The following FAM171B variants were observed in gnomAD, a reference collection of about 807,000 sequenced individuals.
The protein encoded by FAM171B is protein FAM171B.
FAM171B carries 19 observed loss-of-function variants against 75.6 expected under a neutral mutation model. The ratio of observed to expected loss-of-function variants is 0.25; its 90% CI spans 0.18 to 0.37. FAM171B has a LOEUF of 0.37. Ranked by LOEUF, FAM171B falls within the 10% of genes least tolerant of loss-of-function variation. The pLI, the probability that FAM171B is intolerant of heterozygous loss-of-function variation, is 1.00. For synonymous variants in FAM171B, 367 were observed against 361.7 expected, an observed-to-expected ratio of 1.01 and a Z score of -0.17; for missense variants, 848 against 982.4, an observed-to-expected ratio of 0.86 and a Z score of 1.83.
Position 186,710,933 on chromosome 2 carries a change from A to T in FAM171B, c.238+16522A>T, listed in dbSNP as rs575827265. Among the ~76,000 whole-genome samples the T allele has an allele frequency of 2.6e-5, 4 of 152,228 alleles. No homozygotes were observed. The East Asian group carries it at 5.8e-4, about 22-fold the overall frequency. On this transcript the variant is annotated intron_variant, in intron 1 of 7. Transcript: ENST00000304698. ...AATATTGCAGAACCAACTGAAGCTT[A>T]CTTATATACACAGGGAGTTTTCATC...
At chr2:186,754,929 C>T (rs1690509989) in intron 6 of FAM171B, among the ~76,000 whole-genome samples, 1 of 152,108 alleles carries the variant, frequency 6.6e-6, no homozygotes, top group Non-Finnish European at 1.5e-5. Context: ...GAAAATTGGT[C>T]TGACATTTTG....
chr2:186,760,602 A>G (rs1690599852), intron 6 of FAM171B, among the ~76,000 whole-genome samples: 2 of 151,552 alleles, frequency 1.3e-5, no homozygotes, highest in Non-Finnish European at 2.9e-5. Context: ...CCTAGAAGCC[A>G]ATGTCATATG....
intron 1 of FAM171B, among the ~76,000 whole-genome samples, chr2:186,736,572 G>GAC (rs1559088276): frequency 6.8e-6 from 1 of 146,608 alleles, no homozygotes; most frequent in East Asian, 2.0e-4. Context: ...GTGTGGGAGA[G>GAC]AGAGAGAGAG....
chr2:186,736,624 A>T (rs1690206315), intron 1 of FAM171B, among the ~76,000 whole-genome samples: 1 of 115,288 alleles, frequency 8.7e-6, no homozygotes, highest in South Asian at 3.2e-4. Flanking sequence ...TTAACGTTTT[A>T]GACTCTGGAA....
intron 1 of FAM171B, among the ~76,000 whole-genome samples, chr2:186,739,482 TTTTTTAC>T (rs1415754916): frequency 2.0e-5 from 3 of 152,234 alleles, no homozygotes; most frequent in Admixed American, 1.3e-4. Context: ...ATTTTAAAAA[TTTTTTAC>T]TTTTTACTTT....
intron 1 of FAM171B, among the ~76,000 whole-genome samples, chr2:186,730,335 G>A (rs1317134436): frequency 1.3e-5 from 2 of 152,182 alleles, no homozygotes; most frequent in East Asian, 3.8e-4. Flanking sequence ...GGATGAAATT[G>A]GACAATATGT....
At chr2:186,751,680 A>C (rs1329463737) in intron 5 of FAM171B, among the ~76,000 whole-genome samples, 1 of 152,208 alleles carries the variant, frequency 6.6e-6, no homozygotes, top group East Asian at 1.9e-4. Flanking sequence ...TCATGAAAAT[A>C]AGTAACATTA....
intron 1 of FAM171B, among the ~76,000 whole-genome samples, chr2:186,707,335 C>T (rs1291745623): frequency 6.6e-6 from 1 of 152,126 alleles, no homozygotes; most frequent in Non-Finnish European, 1.5e-5. Flanking sequence ...GTTTAGGAGT[C>T]TACTTTCTAA....
At chr2:186,730,507 C>G (rs1476499998) in intron 1 of FAM171B, among the ~76,000 whole-genome samples, 1 of 152,104 alleles carries the variant, frequency 6.6e-6, no homozygotes, top group Non-Finnish European at 1.5e-5. Flanking sequence ...CTAGAGAGGA[C>G]CCTGTTAGTC....
chr2:186,737,015 C>CA (rs1690212467), intron 1 of FAM171B, among the ~76,000 whole-genome samples: 1 of 152,216 alleles, frequency 6.6e-6, no homozygotes, highest in Non-Finnish European at 1.5e-5. Flanking sequence ...AAGTGATACA[C>CA]AAGCTCTGTA....
chr2:186,755,523 A>G (rs1384669254), intron 6 of FAM171B, among the ~76,000 whole-genome samples: 1 of 152,174 alleles, frequency 6.6e-6, no homozygotes, highest in Non-Finnish European at 1.5e-5. Flanking sequence ...ACTGATTAGG[A>G]ATAGTCCTAG....
At chr2:186,740,557 A>C in intron 2 of FAM171B, 96 bp downstream of exon 2, 1 of 1,061,126 alleles carries the variant, frequency 9.4e-7, no homozygotes. Flanking sequence ...TAAGCTGAAA[A>C]TGAAAATGCT....
chr2:186,720,125 C>T (rs1400797564), intron 1 of FAM171B, among the ~76,000 whole-genome samples: 1 of 152,230 alleles, frequency 6.6e-6, no homozygotes, highest in Non-Finnish European at 1.5e-5. Context: ...GTAACCTCCA[C>T]CTCCTGGGTT....
chr2:186,737,565 C>T (rs1484024349), intron 1 of FAM171B, among the ~76,000 whole-genome samples: 1 of 152,196 alleles, frequency 6.6e-6, no homozygotes, highest in African/African-American at 2.4e-5. Flanking sequence ...TGGTCTTGAA[C>T]TCCTGGCCTC....
At chr2:186,747,865 A>T (rs1690389655) in intron 4 of FAM171B, among the ~76,000 whole-genome samples, 1 of 152,206 alleles carries the variant, frequency 6.6e-6, no homozygotes, top group African/African-American at 2.4e-5. Context: ...TTAAAAATAC[A>T]TTCATAAATA....
chr2:186,758,453 G>A (rs1690566503), intron 6 of FAM171B, among the ~76,000 whole-genome samples: 1 of 152,128 alleles, frequency 6.6e-6, no homozygotes, highest in Non-Finnish European at 1.5e-5. Flanking sequence ...GTGCAGGTGG[G>A]AGCCTTATGC....
chr2:186,737,795 A>G (rs1690225554), intron 1 of FAM171B, among the ~76,000 whole-genome samples: 1 of 152,268 alleles, frequency 6.6e-6, no homozygotes. Flanking sequence ...ATTTTATTCT[A>G]AGAACTTTGA....
intron 1 of FAM171B, among the ~76,000 whole-genome samples, chr2:186,716,683 A>G (rs1261210463): frequency 6.6e-6 from 1 of 152,184 alleles, no homozygotes; most frequent in Non-Finnish European, 1.5e-5. Flanking sequence ...AACAATTTAT[A>G]TAGGGTTCAG....
rs137953876 is a variant in FAM171B at position 186,765,478 on chromosome 2, C to G, written c.*2655C>G. ...GTATAGGGATTATGCCCTTTCAGTT[C>G]TATAGGGATTATGCCCTTTTATAAT... On this transcript the variant is annotated 3_prime_UTR_variant, in exon 8 of 8. Transcript: ENST00000304698. The G allele has an allele frequency of 9.9e-5, 15 of 151,970 alleles. No homozygotes were observed. The East Asian group carries it at 2.9e-3, about 29-fold the overall frequency. The allele number at this position is 151,970 out of a possible 1,614,324, so 9.4% of individuals were successfully genotyped here. A position where few individuals can be genotyped will look rare whatever the true frequency, so the allele number is the denominator to read the frequency against.
Sources: allele counts gnomAD v4.1 joint callset (sites outside exome capture counted in the v4.1 genomes callset), GRCh38; gene constraint gnomAD v4.1.1; transcripts MANE v1.5; gene names NCBI Gene and HGNC (gene_info 2026-07-23, HGNC 2026-07-21).